The following FUNDC1 variants were observed in gnomAD, a reference collection of about 807,000 sequenced individuals.
FUNDC1 encodes the protein FUN14 domain-containing protein 1.
In FUNDC1, 10 loss-of-function variants were observed where a neutral mutation model predicts 14.5. That is an observed-to-expected ratio of 0.69 (90% CI 0.43 to 1.17). FUNDC1 has a LOEUF of 1.17. Among genes scored for constraint, FUNDC1 ranks in the 50% most tolerant of loss-of-function variants. The pLI, the probability that FUNDC1 is intolerant of heterozygous loss-of-function variation, is 0.00. For missense variants in FUNDC1, 115 were observed against 113.8 expected (o/e 1.01, Z -0.05); for synonymous variants, 33 against 39.7 (o/e 0.83, Z 0.64).
intron 3 of FUNDC1, among the ~76,000 whole-genome samples, chrX:44,528,889 G>T (rs1351162195): frequency 9.1e-6 from 1 of 110,304 alleles, no homozygotes; most frequent in African/African-American, 3.3e-5. Context: ...TAGAGAAGGG[G>T]TTTCACCGTG....
chrX:44,524,263 T>G lies in FUNDC1; in HGVS notation c.403A>C (p.Ile135Leu), dbSNP rs758033443. Residue 135 changes from isoleucine (I) to leucine (L), a missense_variant, in exon 5 of 5, where the codon ATC becomes CTC. Coordinates refer to ENST00000378045, the MANE Select transcript of FUNDC1 (RefSeq NM_173794.4). ...CTGGATATCACAATGTTCTGCTTGATAAATTCTGTTGCCTGAAACAAAGTT... is the reference window on the plus strand; with the variant it reads ...CTGGATATCACAATGTTCTGCTTGAGAAATTCTGTTGCCTGAAACAAAGTT... ...NNLIEEATEFIKQNIVISSGF... is the reference protein window; with the variant it reads ...NNLIEEATEFLKQNIVISSGF... 2.5e-6 allele frequency: 3 copies of G among 1,195,886 alleles called. No individual in the cohort carries two copies. The highest frequency in any genetic ancestry group is 3.4e-6 in the Non-Finnish European group (3 of 883,302).
Position 44,531,312 on chromosome X carries a change from C to CACACACA in FUNDC1, c.262-3948_262-3947insTGTGTGT, listed in dbSNP as rs1477318576. Among the ~76,000 whole-genome samples the CACACACA allele has an allele frequency of 1.3e-3, 29 of 22,795 alleles. 2 individuals are homozygous for CACACACA. The highest frequency in any genetic ancestry group is 4.0e-3 in the African/African-American group (4 of 991). 19.8% of individuals were successfully genotyped at this position (22,795 alleles called of 115,157 possible). A position where few individuals can be genotyped will look rare whatever the true frequency, so the allele number is the denominator to read the frequency against. On this transcript the variant is annotated intron_variant, in intron 3 of 4. Transcript: ENST00000378045. ...GCTTTCAGATGAAGATTCATGTTGG[C>CACACACA]CAGACACACACACACACACACACAC... is the stretch of plus-strand genomic sequence containing the variant.
At chrX:44,535,999 A>G (rs868773244) in intron 3 of FUNDC1, among the ~76,000 whole-genome samples, 10 of 106,711 alleles carry the variant, frequency 9.4e-5, no homozygotes, top group South Asian at 4.0e-4. Flanking sequence ...AAAAAAAAAA[A>G]AAGAAGAAGA....
At chrX:44,538,908 T>C (rs866959260) in intron 2 of FUNDC1, among the ~76,000 whole-genome samples, 1 of 111,692 alleles carries the variant, frequency 9.0e-6, no homozygotes. Flanking sequence ...ACAGTCAAGA[T>C]GGTCCATACA....
chrX:44,531,325 C>CAG lies in FUNDC1; in HGVS notation c.262-3961_262-3960insCT, dbSNP rs2038924451. Among the ~76,000 whole-genome samples, 27 of 60,219 alleles carry CAG rather than the reference C, an allele frequency of 4.5e-4. 1 individual carries two copies. Among genetic ancestry groups the CAG allele is most frequent in the Non-Finnish European group, 7.0e-4 (26 of 37,391 alleles). The allele number at this position is 60,219 out of a possible 115,157, so 52.3% of individuals were successfully genotyped here. A position where few individuals can be genotyped will look rare whatever the true frequency, so the allele number is the denominator to read the frequency against. ...GATTCATGTTGGCCAGACACACACA[C>CAG]ACACACACACACACACACACACACA... On this transcript the variant is annotated intron_variant, in intron 3 of 4. Coordinates refer to ENST00000378045, the MANE Select transcript of FUNDC1 (RefSeq NM_173794.4).
In FUNDC1 at chrX:44,531,311, G is replaced by T. The variant is rs1383916714; in HGVS notation, c.262-3946C>A. ...GGCTTTCAGATGAAGATTCATGTTG[G>T]CCAGACACACACACACACACACACA... is the stretch of plus-strand genomic sequence containing the variant. On this transcript the variant is annotated intron_variant, in intron 3 of 4. Coordinates refer to ENST00000378045, the MANE Select transcript of FUNDC1 (RefSeq NM_173794.4). Among the ~76,000 whole-genome samples the T allele has an allele frequency of 0.011, 287 of 25,503 alleles. 37 individuals are homozygous for T. The African/African-American group carries it at 0.14, about 12-fold the overall frequency. 22.1% of individuals were successfully genotyped at this position (25,503 alleles called of 115,157 possible).
intron 3 of FUNDC1, among the ~76,000 whole-genome samples, chrX:44,528,782 C>T (rs762394287): frequency 1.8e-5 from 2 of 112,440 alleles, no homozygotes; most frequent in African/African-American, 6.5e-5. Context: ...CCGCAAGCTC[C>T]GCCTCCCGGG....
chrX:44,527,770 T>C (rs1256579542), intron 3 of FUNDC1, among the ~76,000 whole-genome samples: 2 of 112,197 alleles, frequency 1.8e-5, no homozygotes, highest in East Asian at 5.6e-4. Flanking sequence ...CTAGATTATA[T>C]AGCTAATTTA....
intron 3 of FUNDC1, among the ~76,000 whole-genome samples, chrX:44,537,933 T>G (rs911424356): frequency 1.2e-4 from 13 of 112,866 alleles, no homozygotes; most frequent in Non-Finnish European, 2.1e-4. Flanking sequence ...TGAACAAAAC[T>G]AAAACTTCAA....
chrX:44,538,939 G>C (rs1387010679), intron 2 of FUNDC1, among the ~76,000 whole-genome samples: 1 of 110,818 alleles, frequency 9.0e-6, no homozygotes, highest in African/African-American at 3.3e-5. Context: ...CCCCACCTTC[G>C]GCTCCAACCC....
intron 3 of FUNDC1, among the ~76,000 whole-genome samples, chrX:44,533,335 A>G (rs1297966541): frequency 9.0e-6 from 1 of 111,224 alleles, no homozygotes; most frequent in Non-Finnish European, 1.9e-5. Context: ...TCTCTTAAAA[A>G]AACAGTATCC....
intron 3 of FUNDC1, among the ~76,000 whole-genome samples, chrX:44,528,030 T>C (rs1207372615): frequency 2.7e-5 from 3 of 111,841 alleles, no homozygotes; most frequent in South Asian, 3.7e-4. Flanking sequence ...AATTATCATA[T>C]GGTACTACTG....
At chrX:44,532,255 CAGT>C (rs753246266) in intron 3 of FUNDC1, among the ~76,000 whole-genome samples, 1 of 109,293 alleles carries the variant, frequency 9.1e-6, no homozygotes, top group African/African-American at 3.3e-5. Flanking sequence ...ATTAGCCAGA[CAGT>C]GGTGTGCGCC....
chrX:44,533,627 C>CAAAAAAAAAAAAAAA (rs1156843539), intron 3 of FUNDC1, among the ~76,000 whole-genome samples: 1 of 18,724 alleles, frequency 5.3e-5, no homozygotes, highest in African/African-American at 2.5e-4. Flanking sequence ...GACTCCGTCT[C>CAAAAAAAAAAAAAAA]AAAAAAAAAA....
intron 2 of FUNDC1, among the ~76,000 whole-genome samples, chrX:44,540,491 A>C (rs1353999358): frequency 9.1e-6 from 1 of 110,464 alleles, no homozygotes; most frequent in Non-Finnish European, 1.9e-5. Context: ...AAAAGGGAAC[A>C]GAAAAGGCAG....
intron 3 of FUNDC1, among the ~76,000 whole-genome samples, chrX:44,532,064 T>G (rs1258028096): frequency 9.0e-6 from 1 of 110,978 alleles, no homozygotes; most frequent in African/African-American, 3.3e-5. Context: ...ATTACACTCC[T>G]GAAATGTGGG....
In FUNDC1 at chrX:44,541,925, G is replaced by A; in HGVS notation, c.185+20C>T. ...GTCAGGCCCCCAAATGAAATTTAAT[G>A]AAAAAGACGTTGTTCTCACCAGCCA... On this transcript the variant is annotated intron_variant, in intron 2 of 4. Coordinates refer to ENST00000378045, the MANE Select transcript of FUNDC1 (RefSeq NM_173794.4). 8.4e-7 allele frequency: 1 copy of A among 1,190,820 alleles called. No individual in the cohort carries two copies. Among genetic ancestry groups the A allele is most frequent in the Non-Finnish European group, 1.1e-6 (1 of 885,118 alleles).
Position 44,534,957 on chromosome X carries a change from G to T in FUNDC1, c.261+3510C>A, listed in dbSNP as rs188152531. Among the ~76,000 whole-genome samples the T allele has an allele frequency of 2.1e-3, 235 of 110,889 alleles. 2 individuals are homozygous for T. Among genetic ancestry groups the T allele is most frequent in the African/African-American group, 7.5e-3 (228 of 30,504 alleles). On this transcript the variant is annotated intron_variant, in intron 3 of 4. Transcript: ENST00000378045. Reference sequence around the variant, plus strand: ...AGCCCAGGAGTTCGAGACCAGCCTGGGCAACATAGCAAGACCTCCCTATTA... The same window carrying T: ...AGCCCAGGAGTTCGAGACCAGCCTGTGCAACATAGCAAGACCTCCCTATTA...
intron 3 of FUNDC1, among the ~76,000 whole-genome samples, chrX:44,536,052 TCCTGTAATC>T (rs1191528288): frequency 1.0e-5 from 1 of 96,436 alleles, no homozygotes; most frequent in Non-Finnish European, 2.1e-5. Flanking sequence ...ACGCCTGTAA[TCCTGTAATC>T]CCAGCACTTT....
Sources: allele counts gnomAD v4.1 joint callset (sites outside exome capture counted in the v4.1 genomes callset), GRCh38; gene constraint gnomAD v4.1.1; transcripts MANE v1.5; gene names NCBI Gene and HGNC (gene_info 2026-07-23, HGNC 2026-07-21).